Variants in PRELID2 observed in about 807,000 individuals in gnomAD.
The protein encoded by PRELID2 is PRELI domain-containing protein 2.
PRELID2 carries 25 observed loss-of-function variants against 28.4 expected under a neutral mutation model. That is an observed-to-expected ratio of 0.88 (90% CI 0.64 to 1.23). The LOEUF (loss-of-function observed/expected upper bound fraction) is 1.23. Ranked by LOEUF, PRELID2 falls within the 50% of genes most tolerant of loss-of-function variation. The pLI is 0.00. For synonymous variants in PRELID2, 76 were observed against 71.6 expected (o/e 1.06, Z -0.31); for missense variants, 201 against 214.4 (o/e 0.94, Z 0.39).
the PRELID2 span, chr5:145,229,615 G>A: frequency 1.0e-4 from 111 of 1,108,166 alleles, 1 homozygote; most frequent in African/African-American, 1.4e-3. Context: ...TGGGCTTATT[G>A]CCATCGTGGA....
chr5:145,825,976 G>C (rs1325788171), intron 1 of PRELID2: 23 of 968,808 alleles, frequency 2.4e-5, no homozygotes, highest in Non-Finnish European at 2.8e-5. Context: ...GCTTCTCAGA[G>C]GTCAATACCA....
At chr5:145,614,523 G>C (rs535879985) in intron 1 of PRELID2, among the ~76,000 whole-genome samples, 2 of 152,126 alleles carry the variant, frequency 1.3e-5, no homozygotes, top group Non-Finnish European at 2.9e-5. Flanking sequence ...TTTCCTTGTA[G>C]AGGTCTTTCA....
intron 5 of PRELID2, chr5:145,795,456 C>T (rs1267597355): frequency 1.3e-5 from 2 of 152,090 alleles, no homozygotes; most frequent in Non-Finnish European, 2.9e-5. Flanking sequence ...TCATTCACCG[C>T]CCTCAGCCTC....
the PRELID2 span, among the ~76,000 whole-genome samples, chr5:145,241,872 G>A: frequency 6.6e-6 from 1 of 151,662 alleles, no homozygotes; most frequent in Non-Finnish European, 1.5e-5. Flanking sequence ...AAATACCAAA[G>A]TACCAGCTGA....
chr5:145,724,605 ATATATATATATATATATAT>A (rs750525388), intron 1 of PRELID2, among the ~76,000 whole-genome samples: 26,871 of 82,594 alleles, frequency 0.33, 4,462 homozygotes, highest in African/African-American at 0.45. Flanking sequence ...AAATAAATAT[ATATATATATATATATATAT>A]ATATATATAT....
At chr5:145,728,713 C>T (rs1369731085) in intron 1 of PRELID2, 4 of 1,561,496 alleles carry the variant, frequency 2.6e-6, no homozygotes, top group Non-Finnish European at 3.5e-6. Context: ...CCAAATATAG[C>T]CCAGAACAGT....
At chr5:145,381,329 G>A in the PRELID2 span, among the ~76,000 whole-genome samples, 1 of 152,086 alleles carries the variant, frequency 6.6e-6, no homozygotes, top group Non-Finnish European at 1.5e-5. Flanking sequence ...AATGAGGAGG[G>A]AAATCCTGAA....
intron 1 of PRELID2, among the ~76,000 whole-genome samples, chr5:145,653,818 T>C (rs1754342684): frequency 1.3e-5 from 2 of 152,008 alleles, no homozygotes; most frequent in Admixed American, 1.3e-4. Context: ...AATTGACATC[T>C]TAACATCACA....
chr5:145,419,036 A>G, the PRELID2 span, among the ~76,000 whole-genome samples: 1 of 150,916 alleles, frequency 6.6e-6, no homozygotes. Context: ...AATTTCATCC[A>G]TGTCCCTACA....
intron 1 of PRELID2, among the ~76,000 whole-genome samples, chr5:145,551,240 A>C (rs1279285187): frequency 6.6e-6 from 1 of 151,904 alleles, no homozygotes; most frequent in East Asian, 1.9e-4. Context: ...GTCTCTACTA[A>C]AAATACAAAA....
At chr5:145,400,553 T>C in the PRELID2 span, among the ~76,000 whole-genome samples, 1 of 152,144 alleles carries the variant, frequency 6.6e-6, no homozygotes, top group Non-Finnish European at 1.5e-5. Context: ...GAGAACACGA[T>C]GTCGAATGAC....
At chr5:145,394,717 G>T in the PRELID2 span, among the ~76,000 whole-genome samples, 1 of 152,150 alleles carries the variant, frequency 6.6e-6, no homozygotes, top group East Asian at 1.9e-4. Context: ...TAACTCTGTG[G>T]ATTAAGAACA....
intron 1 of PRELID2, among the ~76,000 whole-genome samples, chr5:145,613,866 T>C (rs62394200): frequency 0.034 from 5,190 of 152,290 alleles, 174 homozygotes; most frequent in African/African-American, 0.082. Context: ...CATTTGCTTT[T>C]GGGTTCTTGG....
intron 1 of PRELID2, among the ~76,000 whole-genome samples, chr5:145,707,276 G>T (rs1755572993): frequency 6.6e-6 from 1 of 152,136 alleles, no homozygotes; most frequent in African/African-American, 2.4e-5. Context: ...TGACCCCAAT[G>T]ATCGTGACTG....
chr5:145,630,325 G>C (rs1048091324), intron 1 of PRELID2, among the ~76,000 whole-genome samples: 1 of 152,176 alleles, frequency 6.6e-6, no homozygotes, highest in Non-Finnish European at 1.5e-5. Flanking sequence ...GACTATGGGA[G>C]AGGAACTGGG....
chr5:145,600,610 C>CA (rs1753382887), intron 1 of PRELID2, among the ~76,000 whole-genome samples: 1 of 151,608 alleles, frequency 6.6e-6, no homozygotes, highest in Non-Finnish European at 1.5e-5. Flanking sequence ...AAATTTTCAG[C>CA]AAAAATAATT....
the PRELID2 span, among the ~76,000 whole-genome samples, chr5:145,250,470 G>A: frequency 6.6e-6 from 1 of 152,104 alleles, no homozygotes; most frequent in South Asian, 2.1e-4. Flanking sequence ...CTAAAAAGAA[G>A]CTGCTGACTG....
chr5:145,236,075 T>C, the PRELID2 span, among the ~76,000 whole-genome samples: 5 of 152,128 alleles, frequency 3.3e-5, no homozygotes, highest in African/African-American at 2.4e-5. Context: ...TCTGTCTTCA[T>C]TGGCATTGAG....
intron 1 of PRELID2, among the ~76,000 whole-genome samples, chr5:145,475,934 A>G (rs909362923): frequency 6.6e-6 from 1 of 152,230 alleles, no homozygotes; most frequent in Non-Finnish European, 1.5e-5. Flanking sequence ...ACTAAAGTAG[A>G]TAAATAATAT....
Sources: gnomAD v4.1 joint callset for allele counts (sites outside exome capture counted in the v4.1 genomes callset) on GRCh38, gnomAD v4.1.1 for gene constraint, MANE v1.5 for transcripts, NCBI Gene and HGNC (gene_info 2026-07-23, HGNC 2026-07-21) for gene names.